Variants in TNS2 observed in about 807,000 individuals in gnomAD.
TNS2 encodes the protein tensin 2.
Under a neutral mutation model 155.7 loss-of-function variants are expected in TNS2, and 77 were observed. The ratio of observed to expected loss-of-function variants is 0.49; its 90% CI spans 0.41 to 0.60. TNS2 has a LOEUF of 0.60. Ranked by LOEUF, TNS2 falls within the 20% of genes least tolerant of loss-of-function variation. The pLI is 0.00. For missense variants in TNS2, 1,703 were observed against 1,868.8 expected (o/e 0.91, Z 1.64); for synonymous variants, 726 against 763.9 (o/e 0.95, Z 0.82).
rs775204385 is a variant in TNS2, at chr12:53,061,922, A to C, written c.3556A>C (p.Ser1186Arg). The C allele has an allele frequency of 6.2e-7, 1 of 1,612,876 alleles. No homozygotes were observed. Among genetic ancestry groups the C allele is most frequent in the Non-Finnish European group, 8.5e-7 (1 of 1,179,632 alleles). The change falls in exon 22 of 29, where the codon AGT (serine) becomes CGT (arginine). Residue 1186 changes from serine to arginine, a missense_variant. Coordinates refer to ENST00000314250, the MANE Select transcript of TNS2 (RefSeq NM_170754.4). ...LALKVATPPP[S>R]AQPWKGDPVE... ...CCTCAAGGTGGCCACACCGCCACCC[A>C]GTGCCCAGCCCTGGAAAGGTACAGA... is the stretch of plus-strand genomic sequence containing the variant.
At position 53,057,774 on chromosome 12, in the gene TNS2, C is replaced by T. The variant is rs746192087; in HGVS notation, c.960C>T (p.Gly320=). 5.0e-6 allele frequency: 8 copies of T among 1,614,022 alleles called. No individual in the cohort carries two copies. In the African/African-American group the frequency reaches 9.3e-5, roughly 19 times the overall value. Residue 320 remains glycine (G), a splice_region_variant and synonymous_variant, in exon 13 of 29, where the codon GGC becomes GGT. Transcript: ENST00000314250. Reference sequence around the variant, plus strand: ...GTGCCTTCTCCTCTGCCCCTCCAGGCTTCCAGCCCTTCCTTAAAATCTACC... The same window carrying T: ...GTGCCTTCTCCTCTGCCCCTCCAGGTTTCCAGCCCTTCCTTAAAATCTACC... ...PMLPAFEPGT[G]FQPFLKIYQS... is the part of the protein sequence containing the mutation.
At chr12:53,051,325 T>G (rs1943922143) in intron 1 of TNS2, among the ~76,000 whole-genome samples, 1 of 152,166 alleles carries the variant, frequency 6.6e-6, no homozygotes. Flanking sequence ...AACATGTTGT[T>G]CTGACCGTGG....
intron 10 of TNS2, 122 bp from the exon 11 acceptor site, chr12:53,056,891 C>A: frequency 2.2e-6 from 2 of 890,388 alleles, no homozygotes; most frequent in Non-Finnish European, 3.5e-6. Flanking sequence ...CTCATTACCA[C>A]TACTCTGGGC....
Position 53,051,893 on chromosome 12 carries a change from T to C in TNS2, c.114T>C (p.Val38=), listed in dbSNP as rs147085802. Residue 38 remains valine, a synonymous_variant, in exon 2 of 29, where the codon GTT becomes GTC. Coordinates refer to ENST00000314250, the MANE Select transcript of TNS2 (RefSeq NM_170754.4). ...KAEPHSFREK[V]FRKKPPVCAV... ...AGCCTCATAGCTTCCGGGAGAAGGT[T>C]TTCCGGAAGAAACCTCCAGTCTGTG... is the stretch of plus-strand genomic sequence containing the variant. 7,815 of 1,613,578 alleles carry C rather than the reference T, an allele frequency of 4.8e-3. 32 individuals are homozygous for C. Among genetic ancestry groups the C allele is most frequent in the South Asian group, 9.3e-3 (848 of 90,994 alleles).
At chr12:53,058,852 G>T in intron 17 of TNS2, 25 bp downstream of exon 17, 1 of 1,610,328 alleles carries the variant, frequency 6.2e-7, no homozygotes, top group South Asian at 1.1e-5. Context: ...TGCAGGGTGG[G>T]AGGTACAGGG....
Position 53,063,373 on chromosome 12 carries a change from A to C in TNS2, c.4017A>C (p.Pro1339=). 1 of 1,613,834 alleles carries C rather than the reference A, an allele frequency of 6.2e-7. No homozygotes were observed. Among genetic ancestry groups the C allele is most frequent in the Non-Finnish European group, 8.5e-7 (1 of 1,179,942 alleles). Reference sequence around the variant, plus strand: ...GGCTCTTCTTTCGCCGCCATTATCCAGTGAACAGCATCACCTTCTCCAGCA... The same window carrying C: ...GGCTCTTCTTTCGCCGCCATTATCCCGTGAACAGCATCACCTTCTCCAGCA... ...QRKLFFRRHY[P]VNSITFSSTD... Residue 1339 remains proline (P), a synonymous_variant, in exon 27 of 29, where the codon CCA becomes CCC. Coordinates refer to ENST00000314250, the MANE Select transcript of TNS2 (RefSeq NM_170754.4). The surrounding 1 kb of genome is among the most constrained non-coding windows in gnomAD (Gnocchi z 5.6).
At position 53,058,067 on chromosome 12, in the gene TNS2, C is replaced by G. The variant is rs1394047974; in HGVS notation, c.1060C>G (p.Leu354Val). The change falls in exon 14 of 29, where the codon CTG (leucine) becomes GTG (valine). Residue 354 changes from leucine (L) to valine (V), a missense_variant. By Grantham distance (32) the Leu-to-Val change is conservative (BLOSUM62 1). Coordinates refer to ENST00000314250, the MANE Select transcript of TNS2 (RefSeq NM_170754.4). Reference protein sequence around the residue: ...GPGPQQLCISLEPALLLKGDV... With the variant: ...GPGPQQLCISVEPALLLKGDV... ...TGGTCCCCAGCAGCTTTGCATCAGC[C>G]TGGAGCCAGCCCTCCTCCTCAAAGG... 2 of 1,614,174 alleles carry G rather than the reference C, an allele frequency of 1.2e-6. No individual in the cohort carries two copies. The highest frequency in any genetic ancestry group is 1.1e-5 in the South Asian group (1 of 91,080).
Position 53,055,573 on chromosome 12 carries a change from A to G in TNS2, c.579A>G (p.Gln193=). The part of the protein sequence containing the change: ...HDLTRLNPKV[Q]DFGWPELHAP... ...CACCCCTGCATTCTCCCCAGGTTCAAGACTTCGGCTGGCCTGAGCTGCATG... is the reference window on the plus strand; with the variant it reads ...CACCCCTGCATTCTCCCCAGGTTCAGGACTTCGGCTGGCCTGAGCTGCATG... The change falls in exon 9 of 29, where the codon CAA becomes CAG. Residue 193 remains glutamine (Q), a synonymous_variant. Coordinates refer to ENST00000314250, the MANE Select transcript of TNS2 (RefSeq NM_170754.4). The G allele has an allele frequency of 6.2e-7, 1 of 1,603,168 alleles. No individual in the cohort carries two copies. Among genetic ancestry groups the G allele is most frequent in the Non-Finnish European group, 8.5e-7 (1 of 1,171,934 alleles).
In TNS2 at chr12:53,053,825, T is replaced by C; in HGVS notation, c.300+13T>C. The C allele has an allele frequency of 6.2e-7, 1 of 1,613,490 alleles. No individual in the cohort carries two copies. The highest frequency in any genetic ancestry group is 1.1e-5 in the South Asian group (1 of 91,076). ...CATAGAGCACCTGGTAAGGTGATGCTGGAGCAGGAGGGGGAAGCAGGTAGC... is the reference window on the plus strand; with the variant it reads ...CATAGAGCACCTGGTAAGGTGATGCCGGAGCAGGAGGGGGAAGCAGGTAGC... On this transcript the variant is annotated intron_variant, in intron 5 of 28. Transcript: ENST00000314250.
rs779518344 is a variant in TNS2, at chr12:53,058,860, GGGTTGT to G, written c.1405+36_1405+41del. Reference sequence around the variant, plus strand: ...GGCAGCCTGCAGGGTGGGAGGTACAGGGTTGTGGCGGGACCCTGGGGGGTGGTGCCA... The same window carrying G: ...GGCAGCCTGCAGGGTGGGAGGTACAGGGCGGGACCCTGGGGGGTGGTGCCA... On this transcript the variant is annotated intron_variant, in intron 17 of 28. Transcript: ENST00000314250. 31 of 1,606,034 alleles carry G rather than the reference GGGTTGT, an allele frequency of 1.9e-5. No individual in the cohort carries two copies. In the East Asian group the frequency reaches 6.9e-4, roughly 36 times the overall value.
At position 53,060,189 on chromosome 12, in the gene TNS2, A is replaced by G. The variant is rs1944330787; in HGVS notation, c.2548A>G (p.Thr850Ala). The change falls in exon 18 of 29, where the codon ACG becomes GCG. Residue 850 changes from threonine (T) to alanine (A), a missense_variant. Coordinates refer to ENST00000314250, the MANE Select transcript of TNS2 (RefSeq NM_170754.4). This position sits in a 1 kb window ranked among gnomAD's most constrained non-coding sequence, Gnocchi z 6.1. ...QSRKLSYEIP[T>A]EEGGDRYPLP... is the part of the protein sequence containing the mutation. ...TAGGAAGCTGAGCTACGAGATCCCT[A>G]CGGAGGAGGGAGGGGACAGGTACCC... 6.3e-7 allele frequency: 1 copy of G among 1,592,222 alleles called. No individual in the cohort carries two copies. The highest frequency in any genetic ancestry group is 2.2e-5 in the East Asian group (1 of 44,556).
rs1429118027 is a variant in TNS2, at chr12:53,059,417, C to T, written c.1776C>T (p.Cys592=). ...ATAGGCCTGGCCTCAGCCGCCACTG[C>T]TCCTGCCGCCAGGGCTACCGGGAGC... is the stretch of plus-strand genomic sequence containing the variant. ...PGHRPGLSRH[C]SCRQGYREPC... Residue 592 remains cysteine, a synonymous_variant, in exon 18 of 29, where the codon TGC becomes TGT. Transcript: ENST00000314250. This position sits in a 1 kb window ranked among gnomAD's most constrained non-coding sequence, Gnocchi z 4.7. The T allele has an allele frequency of 2.7e-6, 4 of 1,478,988 alleles. No individual in the cohort carries two copies. The highest frequency in any genetic ancestry group is 9.0e-7 in the Non-Finnish European group (1 of 1,116,588). The allele number at this position is 1,478,988 out of a possible 1,614,324, so 91.6% of individuals were successfully genotyped here. A position where few individuals can be genotyped will look rare whatever the true frequency, so the allele number is the denominator to read the frequency against.
intron 2 of TNS2, 153 bp from the exon 3 acceptor site, chr12:53,052,302 C>A: frequency 1.1e-6 from 1 of 936,130 alleles, no homozygotes; most frequent in Non-Finnish European, 1.7e-6. Context: ...CCCTCAAAAC[C>A]TAGCCCTGCT....
intron 10 of TNS2, among the ~76,000 whole-genome samples, chr12:53,056,714 A>G (rs930385766): frequency 1.3e-5 from 2 of 152,160 alleles, no homozygotes; most frequent in African/African-American, 4.8e-5. Context: ...CAACGGCCCT[A>G]TTTCCAAATA....
At chr12:53,056,760 T>C (rs2121116027) in intron 10 of TNS2, among the ~76,000 whole-genome samples, 1 of 152,340 alleles carries the variant, frequency 6.6e-6, no homozygotes, top group African/African-American at 2.4e-5. Flanking sequence ...TTTGGGGGGA[T>C]ATAATTCAAC....
intron 21 of TNS2, 169 bp from the exon 22 acceptor site, chr12:53,061,646 A>G: frequency 7.3e-7 from 1 of 1,368,560 alleles, no homozygotes; most frequent in Non-Finnish European, 1.0e-6. Flanking sequence ...GAGATCCAAC[A>G]TGGTCAAAAC....
Position 53,058,333 on chromosome 12 carries a change from G to A in TNS2, c.1113G>A (p.Lys371=), listed in dbSNP as rs1266768128. The A allele has an allele frequency of 1.2e-6, 2 of 1,614,022 alleles. No individual in the cohort carries two copies. The highest frequency in any genetic ancestry group is 2.7e-5 in the African/African-American group (2 of 74,928). The part of the protein sequence containing the change: ...KGDVMVTCYH[K]GGRGTDRTLV... ...TCTCCCAGGTAACATGTTATCACAA[G>A]GGTGGCCGGGGCACAGACCGGACCC... The change falls in exon 15 of 29, where the codon AAG becomes AAA. Residue 371 remains lysine, a synonymous_variant. Transcript: ENST00000314250.
In TNS2 at chr12:53,061,696, C is replaced by A. The variant is rs113328073; in HGVS notation, c.3449-119C>A. 5.3e-6 allele frequency: 8 copies of A among 1,508,804 alleles called. No individual in the cohort carries two copies. In the African/African-American group the frequency reaches 8.4e-5, roughly 16 times the overall value. 93.5% of individuals were successfully genotyped at this position (1,508,804 alleles called of 1,614,324 possible). On this transcript the variant is annotated intron_variant, in intron 21 of 28. Transcript: ENST00000314250. ...GAGCCCTGGCCTCAGACTCTTACCG[C>A]CACCACAGCTGTCAGGGCAGAGACC... is the stretch of plus-strand genomic sequence containing the variant.
chr12:53,052,593 A>C (rs1592242594), intron 3 of TNS2, 101 bp downstream of exon 3: 1 of 1,465,866 alleles, frequency 6.8e-7, no homozygotes, highest in Non-Finnish European at 9.5e-7. Context: ...CTCCACCTCC[A>C]CCCCTCTCAC....
Sources: allele counts gnomAD v4.1 joint callset (sites outside exome capture counted in the v4.1 genomes callset), GRCh38; gene constraint gnomAD v4.1.1; non-coding constraint Gnocchi (gnomAD v3.1); transcripts MANE v1.5; gene names NCBI Gene and HGNC (gene_info 2026-07-23, HGNC 2026-07-21).